KLF8: variants seen among roughly 807,000 people sequenced by gnomAD.
The protein encoded by KLF8 is Krueppel-like factor 8.
Under a neutral mutation model 18.2 loss-of-function variants are expected in KLF8, and 10 were observed. That is an observed-to-expected ratio of 0.55 (90% CI 0.34 to 0.93). KLF8 has a LOEUF of 0.93. KLF8 is among the 40% of genes least tolerant of loss of function. The probability of loss-of-function intolerance (pLI) is 0.02; values close to 1 mark genes in which losing one functional copy is unlikely to be tolerated. For missense variants in KLF8, 264 were observed against 277.9 expected, an observed-to-expected ratio of 0.95 and a Z score of 0.36; for synonymous variants, 109 against 97.3, an observed-to-expected ratio of 1.12 and a Z score of -0.71.
Position 56,290,100 on chromosome X carries a change from T to C in KLF8, c.*5606T>C, listed in dbSNP as rs1004574557. On this transcript the variant is annotated 3_prime_UTR_variant, in exon 6 of 6. Transcript: ENST00000468660. The stretch of plus-strand genomic sequence containing the variant: ...CACTATCTTTTCTCACTGTTAAATA[T>C]GGCTCTCTGACAACAGTGATGCTAC... Among the ~76,000 whole-genome samples the C allele has an allele frequency of 8.9e-6, 1 of 111,836 alleles. No individual in the cohort carries two copies. The highest frequency in any genetic ancestry group is 3.2e-5 in the African/African-American group (1 of 30,773).
chrX:55,955,691 A>G, the KLF8 span, among the ~76,000 whole-genome samples: 1 of 111,440 alleles, frequency 9.0e-6, no homozygotes, highest in Non-Finnish European at 1.9e-5. Flanking sequence ...GTTAGGTTCT[A>G]TACCAAGACT....
At chrX:55,971,637 A>G in the KLF8 span, among the ~76,000 whole-genome samples, 2 of 110,978 alleles carry the variant, frequency 1.8e-5, no homozygotes, top group South Asian at 7.5e-4. Context: ...AAAATGAGAT[A>G]AAATATTTGC....
chrX:56,189,638 A>T, the KLF8 span, among the ~76,000 whole-genome samples: 1 of 110,931 alleles, frequency 9.0e-6, no homozygotes, highest in African/African-American at 3.3e-5. Flanking sequence ...CAACAACAAT[A>T]GACTGGATTA....
chrX:56,116,143 A>G, the KLF8 span, among the ~76,000 whole-genome samples: 1 of 113,074 alleles, frequency 8.8e-6, no homozygotes, highest in African/African-American at 3.2e-5. Flanking sequence ...AGTTGTTACT[A>G]CATGGCGTGA....
the KLF8 span, among the ~76,000 whole-genome samples, chrX:56,156,659 G>C: frequency 9.2e-6 from 1 of 108,371 alleles, no homozygotes; most frequent in Admixed American, 1.0e-4. Flanking sequence ...TGCCATGTTG[G>C]TGTGCTGCAC....
chrX:56,091,084 T>C, the KLF8 span, among the ~76,000 whole-genome samples: 1 of 111,464 alleles, frequency 9.0e-6, no homozygotes, highest in Non-Finnish European at 1.9e-5. Flanking sequence ...AATGATATGG[T>C]TTTGCTCTGT....
In KLF8 at chrX:56,259,013, T is replaced by C. The variant is rs186057127; in HGVS notation, c.82-6167T>C. On this transcript the variant is annotated intron_variant, in intron 2 of 5. Coordinates refer to ENST00000468660, the MANE Select transcript of KLF8 (RefSeq NM_007250.5). ...TCTAAATTTCTGTATCAACATACCA[T>C]GCAGTGAAAGAGCATTTGGTTGTCA... 5.1e-3 allele frequency among the ~76,000 whole-genome samples: 573 copies of C among 111,912 alleles called. 4 individuals are homozygous for C. Among genetic ancestry groups the C allele is most frequent in the Non-Finnish European group, 7.5e-3 (400 of 53,198 alleles).
At chrX:56,190,194 G>T in the KLF8 span, among the ~76,000 whole-genome samples, 2 of 110,897 alleles carry the variant, frequency 1.8e-5, no homozygotes, top group Admixed American at 1.9e-4. Context: ...ACTTTTATCA[G>T]ACAAAGTAGA....
Position 56,269,449 on chromosome X carries a change from G to A in KLF8, c.718G>A (p.Gly240Arg), listed in dbSNP as rs780734959. The A allele has an allele frequency of 1.2e-5, 15 of 1,208,273 alleles. No individual in the cohort carries two copies. The South Asian group carries it at 2.2e-4, about 17-fold the overall frequency. ...CAGTGAGGAGAGTACAATTGAGAGTGGATCCTCAGCCTTGCAGAGTCTGCA... is the reference window on the plus strand; with the variant it reads ...CAGTGAGGAGAGTACAATTGAGAGTAGATCCTCAGCCTTGCAGAGTCTGCA... ...SDSEESTIES[G>R]SSALQSLQGL... is the part of the protein sequence containing the mutation. Residue 240 changes from glycine to arginine, a missense_variant, in exon 4 of 6, where the codon GGA becomes AGA. Coordinates refer to ENST00000468660, the MANE Select transcript of KLF8 (RefSeq NM_007250.5).
At position 56,286,439 on chromosome X, in the gene KLF8, C is replaced by G. The variant is rs1375681361; in HGVS notation, c.*1945C>G. On this transcript the variant is annotated 3_prime_UTR_variant, in exon 6 of 6. Transcript: ENST00000468660. ...AAGTGCTGGGATCACAGGTGTGAGT[C>G]ACCACACCTGGCCAGGATCACATTA... 1 of 112,379 alleles carries G rather than the reference C, an allele frequency of 8.9e-6. No homozygotes were observed. Among genetic ancestry groups the G allele is most frequent in the African/African-American group, 3.2e-5 (1 of 30,922 alleles). The allele number at this position is 112,379 out of a possible 1,213,427, so 9.3% of individuals were successfully genotyped here.
the KLF8 span, among the ~76,000 whole-genome samples, chrX:56,095,009 G>C: frequency 1.8e-5 from 2 of 111,145 alleles, no homozygotes; most frequent in Admixed American, 9.6e-5. Flanking sequence ...CAATTGAAAA[G>C]TTCCAACAGA....
At position 56,287,869 on chromosome X, in the gene KLF8, T is replaced by C. The variant is rs950949780; in HGVS notation, c.*3375T>C. On this transcript the variant is annotated 3_prime_UTR_variant, in exon 6 of 6. Coordinates refer to ENST00000468660, the MANE Select transcript of KLF8 (RefSeq NM_007250.5). ...TATTTGTTACAATTAATAAAACACA[T>C]TGATATGTTAATATTATTAACTGAA... is the stretch of plus-strand genomic sequence containing the variant. 1.8e-5 allele frequency: 2 copies of C among 111,983 alleles called. No homozygotes were observed. The highest frequency in any genetic ancestry group is 3.8e-5 in the Non-Finnish European group (2 of 53,242). 9.2% of individuals were successfully genotyped at this position (111,983 alleles called of 1,213,427 possible).
chrX:55,930,272 G>C, the KLF8 span, among the ~76,000 whole-genome samples: 1 of 112,064 alleles, frequency 8.9e-6, no homozygotes. Context: ...ATCAGCTTAA[G>C]GAGTTTCTGG....
At chrX:56,031,523 GGGGGCTTGCCAC>G in the KLF8 span, among the ~76,000 whole-genome samples, 1 of 111,785 alleles carries the variant, frequency 8.9e-6, no homozygotes, top group Non-Finnish European at 1.9e-5. Flanking sequence ...GGTCCTCCAT[GGGGGCTTGCCAC>G]ACACTGCTCT....
chrX:56,098,672 A>G, the KLF8 span, among the ~76,000 whole-genome samples: 1 of 111,792 alleles, frequency 8.9e-6, no homozygotes, highest in Non-Finnish European at 1.9e-5. Context: ...CTAAGATCAG[A>G]AACAAGGCAA....
At chrX:56,083,541 T>C in the KLF8 span, among the ~76,000 whole-genome samples, 54 of 112,216 alleles carry the variant, frequency 4.8e-4, no homozygotes, top group Non-Finnish European at 5.4e-4. Flanking sequence ...TACTTTTCAG[T>C]GCTCACTAAA....
the KLF8 span, among the ~76,000 whole-genome samples, chrX:56,079,655 G>T: frequency 9.0e-6 from 1 of 111,546 alleles, no homozygotes; most frequent in Non-Finnish European, 1.9e-5. Flanking sequence ...ATGTCTATTA[G>T]GTCCACTTGG....
At chrX:56,042,300 A>G in the KLF8 span, among the ~76,000 whole-genome samples, 3 of 111,553 alleles carry the variant, frequency 2.7e-5, no homozygotes, top group Non-Finnish European at 3.8e-5. Flanking sequence ...TGATTTTATG[A>G]TGAATTTTTT....
At chrX:56,046,225 A>G in the KLF8 span, among the ~76,000 whole-genome samples, 2 of 111,645 alleles carry the variant, frequency 1.8e-5, no homozygotes, top group Admixed American at 1.9e-4. Context: ...TATATTGTTG[A>G]TATGCTGTTC....
Sources: gnomAD v4.1 joint callset for allele counts (sites outside exome capture counted in the v4.1 genomes callset) on GRCh38, gnomAD v4.1.1 for gene constraint, MANE v1.5 for transcripts, NCBI Gene and HGNC (gene_info 2026-07-23, HGNC 2026-07-21) for gene names.